SNX29: variants seen among roughly 807,000 people sequenced by gnomAD.
SNX29 encodes sorting nexin 29.
In SNX29, 78 loss-of-function variants were observed where a neutral mutation model predicts 102.1. The observed-to-expected ratio is 0.76, with a 90% CI of 0.64 to 0.92. The LOEUF (loss-of-function observed/expected upper bound fraction) is 0.92, where lower values mean the gene tolerates loss of function less well. Among genes scored for constraint, SNX29 ranks in the 40% least tolerant of loss-of-function variants. The pLI is 0.00. For synonymous variants in SNX29, 580 were observed against 414.5 expected, an observed-to-expected ratio of 1.40 and a Z score of -4.85; for missense variants, 1,280 against 1,061.7, an observed-to-expected ratio of 1.21 and a Z score of -2.86.
At position 12,568,780 on chromosome 16, in the gene SNX29, T is replaced by A. The variant is rs1243559812; in HGVS notation, c.*151T>A. On this transcript the variant is annotated 3_prime_UTR_variant, in exon 21 of 21. Coordinates refer to ENST00000566228, the MANE Select transcript of SNX29 (RefSeq NM_032167.5). ...TCCCAACAGTTACACAACACCCCGATTAAACTAATCAGTCTTCGAGCCGCA... is the reference window on the plus strand; with the variant it reads ...TCCCAACAGTTACACAACACCCCGAATAAACTAATCAGTCTTCGAGCCGCA... 3.0e-5 allele frequency: 37 copies of A among 1,226,526 alleles called. No homozygotes were observed. In the East Asian group the frequency reaches 9.0e-4, roughly 30 times the overall value. The allele number at this position is 1,226,526 out of a possible 1,614,324, so 76.0% of individuals were successfully genotyped here.
At chr16:12,560,872 AGT>A in intron 20 of SNX29, 1 of 186,736 alleles carries the variant, frequency 5.4e-6, no homozygotes, top group African/African-American at 2.3e-5. Context: ...TTAGTCCTTT[AGT>A]TCAAGATTTG....
At chr16:12,052,263 C>A in intron 8 of SNX29, 41 bp downstream of exon 8, 1 of 1,609,328 alleles carries the variant, frequency 6.2e-7, no homozygotes. Context: ...GTCCCCCAGG[C>A]TGGAGTGCCG....
intron 18 of SNX29, among the ~76,000 whole-genome samples, chr16:12,410,025 C>T (rs1182181502): frequency 1.3e-5 from 2 of 151,984 alleles, no homozygotes; most frequent in Non-Finnish European, 2.9e-5. Context: ...GAGGGAGTCT[C>T]GCTCTGTCAC....
At chr16:12,241,204 G>A (rs76765222) in intron 14 of SNX29, among the ~76,000 whole-genome samples, 2 of 152,180 alleles carry the variant, frequency 1.3e-5, no homozygotes, top group Non-Finnish European at 2.9e-5. Flanking sequence ...TTTAAGAGGA[G>A]TAATGAGTAT....
chr16:12,089,291 C>T (rs562287119), intron 11 of SNX29, among the ~76,000 whole-genome samples: 2 of 151,672 alleles, frequency 1.3e-5, no homozygotes, highest in South Asian at 2.1e-4. Context: ...TGATTATGAC[C>T]CTGCACTCCA....
At chr16:12,492,014 G>A (rs890965009) in intron 19 of SNX29, among the ~76,000 whole-genome samples, 1 of 152,184 alleles carries the variant, frequency 6.6e-6, no homozygotes, top group Admixed American at 6.5e-5. Context: ...CTTTATAGCA[G>A]CATGATTTAT....
At chr16:12,064,226 C>T (rs548738412) in intron 9 of SNX29, among the ~76,000 whole-genome samples, 6 of 152,204 alleles carry the variant, frequency 3.9e-5, no homozygotes, top group Non-Finnish European at 8.8e-5. Flanking sequence ...GCTCCTTTGC[C>T]GCTTAGCTGG....
intron 2 of SNX29, among the ~76,000 whole-genome samples, chr16:12,000,929 T>C (rs1232489111): frequency 6.6e-6 from 1 of 152,174 alleles, no homozygotes; most frequent in Non-Finnish European, 1.5e-5. Context: ...AATTGGATTG[T>C]TAAAGTAGGT....
chr16:12,515,213 T>C (rs540789627), intron 19 of SNX29, among the ~76,000 whole-genome samples: 84 of 152,164 alleles, frequency 5.5e-4, no homozygotes, highest in Non-Finnish European at 1.1e-3. Flanking sequence ...TCATCAGGCG[T>C]GTGTTGTGGC....
rs534032468 is a variant in SNX29 at position 12,465,873 on chromosome 16, T to G, written c.2038-11846T>G. On this transcript the variant is annotated intron_variant, in intron 18 of 20. Coordinates refer to ENST00000566228, the MANE Select transcript of SNX29 (RefSeq NM_032167.5). ...TTCAGTTTATTTCATCAATGTCTGATACTTTTAAGCATATAGATATTTCAC... is the reference window on the plus strand; with the variant it reads ...TTCAGTTTATTTCATCAATGTCTGAGACTTTTAAGCATATAGATATTTCAC... 2.1e-4 allele frequency among the ~76,000 whole-genome samples: 32 copies of G among 152,072 alleles called. 1 individual carries two copies. The highest frequency in any genetic ancestry group is 4.4e-4 in the Non-Finnish European group (30 of 68,010).
intron 15 of SNX29, among the ~76,000 whole-genome samples, chr16:12,288,446 C>T (rs948335034): frequency 3.3e-5 from 5 of 152,170 alleles, no homozygotes; most frequent in African/African-American, 7.2e-5. Flanking sequence ...CCTCTGTTTG[C>T]GGGGTCACCC....
intron 20 of SNX29, among the ~76,000 whole-genome samples, chr16:12,539,426 C>T (rs2077223574): frequency 6.6e-6 from 1 of 152,176 alleles, no homozygotes; most frequent in South Asian, 2.1e-4. Flanking sequence ...GGTGAGTCAG[C>T]AGTGTTTTTA....
chr16:12,399,856 G>C (rs1467674406), intron 17 of SNX29, among the ~76,000 whole-genome samples: 1 of 152,072 alleles, frequency 6.6e-6, no homozygotes, highest in East Asian at 1.9e-4. Context: ...GGCATGAAGA[G>C]GCTCCTGGAA....
intron 14 of SNX29, among the ~76,000 whole-genome samples, chr16:12,270,147 C>T (rs8056108): frequency 0.038 from 5,813 of 152,222 alleles, 401 homozygotes; most frequent in African/African-American, 0.13. Flanking sequence ...CAGATGTGAG[C>T]CACCACGTCC....
At chr16:12,311,322 G>T (rs2080536250) in intron 15 of SNX29, among the ~76,000 whole-genome samples, 2 of 152,158 alleles carry the variant, frequency 1.3e-5, no homozygotes, top group South Asian at 4.1e-4. Flanking sequence ...AGGAATTGAA[G>T]CCCTTGCTCC....
chr16:12,130,202 C>T (rs1423943838), intron 13 of SNX29, among the ~76,000 whole-genome samples: 2 of 149,288 alleles, frequency 1.3e-5, no homozygotes, highest in Non-Finnish European at 3.0e-5. Context: ...AAAAGCCGGG[C>T]ATGATGGCTG....
At chr16:12,267,517 C>T (rs905682186) in intron 14 of SNX29, among the ~76,000 whole-genome samples, 2 of 152,124 alleles carry the variant, frequency 1.3e-5, no homozygotes, top group Non-Finnish European at 2.9e-5. Flanking sequence ...TAGGCAGTAG[C>T]CCCTTAGCAC....
intron 13 of SNX29, among the ~76,000 whole-genome samples, chr16:12,155,570 A>T (rs555139255): frequency 6.6e-6 from 1 of 152,334 alleles, no homozygotes; most frequent in Non-Finnish European, 1.5e-5. Context: ...CACTGAGCCA[A>T]CTATAACTGG....
At chr16:12,160,111 C>T (rs974535052) in intron 13 of SNX29, among the ~76,000 whole-genome samples, 4 of 152,172 alleles carry the variant, frequency 2.6e-5, no homozygotes, top group Non-Finnish European at 4.4e-5. Flanking sequence ...GGAATAGCAC[C>T]GTGACTCTGA....
Sources: gnomAD v4.1 joint callset for allele counts (sites outside exome capture counted in the v4.1 genomes callset) on GRCh38, gnomAD v4.1.1 for gene constraint, MANE v1.5 for transcripts, NCBI Gene and HGNC (gene_info 2026-07-23, HGNC 2026-07-21) for gene names.